Variants in NRXN2 observed in about 807,000 individuals in gnomAD.
NRXN2 encodes the protein neurexin 2, also known as neurexin-2-beta.
Under a neutral mutation model 128.8 loss-of-function variants are expected in NRXN2, and 29 were observed. That is an observed-to-expected ratio of 0.23 (90% CI 0.17 to 0.31). The LOEUF (loss-of-function observed/expected upper bound fraction) is 0.31, where lower values mean the gene tolerates loss of function less well. Ranked by LOEUF, NRXN2 falls within the 10% of genes least tolerant of loss-of-function variation. The pLI is 1.00. For synonymous variants in NRXN2, 1,098 were observed against 1,075.2 expected (o/e 1.02, Z -0.41); for missense variants, 1,881 against 2,452.6 (o/e 0.77, Z 4.92).
chr11:64,643,119 G>A (rs1269166068), intron 17 of NRXN2: 3 of 984,874 alleles, frequency 3.0e-6, no homozygotes, highest in East Asian at 2.3e-4. Flanking sequence ...AGCGCCCGGG[G>A]GAGGGGGCAT....
intron 11 of NRXN2, among the ~76,000 whole-genome samples, chr11:64,656,965 T>C (rs575362142): frequency 1.3e-5 from 2 of 152,294 alleles, no homozygotes; most frequent in East Asian, 3.9e-4. Context: ...CACTAAGCGA[T>C]CCCACCTAGT....
chr11:64,615,577 C>G (rs1332444185), intron 22 of NRXN2, among the ~76,000 whole-genome samples: 1 of 152,172 alleles, frequency 6.6e-6, no homozygotes, highest in Admixed American at 6.5e-5. Context: ...TTCTGTGGGT[C>G]TGAGCATACA....
At chr11:64,690,052 A>G (rs577394600) in intron 5 of NRXN2, among the ~76,000 whole-genome samples, 6 of 152,356 alleles carry the variant, frequency 3.9e-5, no homozygotes, top group African/African-American at 1.4e-4. Flanking sequence ...GCAGGCTTCC[A>G]GAATTTGATG....
chr11:64,660,908 T>C lies in NRXN2; in HGVS notation c.2030A>G (p.Gln677Arg). ...AAAGGGGGCAACGCCCACAGCCCCC[T>C]GAGCCTCAGCCAGGCCCCGGAGGTC... Reference protein sequence around the residue: ...SRDLRGLAEAQGAVGVAPFCS... With the variant: ...SRDLRGLAEARGAVGVAPFCS... The change falls in exon 10 of 23, where the codon CAG becomes CGG. Residue 677 changes from glutamine (Q) to arginine (R), a missense_variant. Around this residue, in one of 7 missense-constraint regions of NRXN2, gnomAD observed 997 missense variants for 1,240.8 expected, o/e 0.80. Coordinates refer to ENST00000265459, the MANE Select transcript of NRXN2 (RefSeq NM_015080.4). This position sits in a 1 kb window ranked among gnomAD's most constrained non-coding sequence, Gnocchi z 5.2. 1.2e-6 allele frequency: 2 copies of C among 1,613,588 alleles called. No individual in the cohort carries two copies. Among genetic ancestry groups the C allele is most frequent in the Non-Finnish European group, 1.7e-6 (2 of 1,179,716 alleles).
At position 64,651,760 on chromosome 11, in the gene NRXN2, G is replaced by A. The variant is rs189772844; in HGVS notation, c.2537-124C>T. ...AGTGACATCTTTAGAGATGTCCTCG[G>A]CTAGGCACTAGCAGCCAGCACAGCT... On this transcript the variant is annotated intron_variant, in intron 13 of 22. Coordinates refer to ENST00000265459, the MANE Select transcript of NRXN2 (RefSeq NM_015080.4). The surrounding 1 kb of genome is among the most constrained non-coding windows in gnomAD (Gnocchi z 5.9). 4.1e-3 allele frequency: 4,685 copies of A among 1,136,388 alleles called. 16 individuals are homozygous for A. Among genetic ancestry groups the A allele is most frequent in the Non-Finnish European group, 5.2e-3 (4,114 of 787,702 alleles). 70.4% of individuals were successfully genotyped at this position (1,136,388 alleles called of 1,614,324 possible).
intron 11 of NRXN2, among the ~76,000 whole-genome samples, chr11:64,658,689 C>T (rs982011855): frequency 1.3e-5 from 2 of 152,244 alleles, no homozygotes; most frequent in Non-Finnish European, 2.9e-5. Flanking sequence ...CCACAAATGC[C>T]CCGGAGACCA....
intron 22 of NRXN2, among the ~76,000 whole-genome samples, chr11:64,608,702 C>T (rs2040124058): frequency 6.6e-6 from 1 of 152,190 alleles, no homozygotes; most frequent in Admixed American, 6.5e-5. Context: ...CGGTATCTCC[C>T]TCCCTCACTC....
intron 3 of NRXN2, among the ~76,000 whole-genome samples, chr11:64,697,031 A>G (rs554719445): frequency 6.6e-6 from 1 of 152,290 alleles, no homozygotes; most frequent in African/African-American, 2.4e-5. Context: ...AAAAGGAGGT[A>G]AAGACAGAAA....
Position 64,623,797 on chromosome 11 carries a change from A to C in NRXN2, c.3848-719T>G, listed in dbSNP as rs1483293052. The C allele has an allele frequency of 6.6e-6, 1 of 152,576 alleles. No individual in the cohort carries two copies. The highest frequency in any genetic ancestry group is 2.4e-5 in the African/African-American group (1 of 41,426). The allele number at this position is 152,576 out of a possible 1,614,324, so 9.5% of individuals were successfully genotyped here. A position where few individuals can be genotyped will look rare whatever the true frequency, so the allele number is the denominator to read the frequency against. ...TCCCCACCTGGACATGCAAGCACAG[A>C]AGTGGAAAATGTTAAAGGGACCTTG... is the stretch of plus-strand genomic sequence containing the variant. On this transcript the variant is annotated intron_variant, in intron 20 of 22. Coordinates refer to ENST00000265459, the MANE Select transcript of NRXN2 (RefSeq NM_015080.4). The surrounding 1 kb of genome is among the most constrained non-coding windows in gnomAD (Gnocchi z 4.9).
chr11:64,706,303 C>G (rs1425027037), intron 2 of NRXN2, among the ~76,000 whole-genome samples: 1 of 145,364 alleles, frequency 6.9e-6, no homozygotes, highest in Non-Finnish European at 1.5e-5. Context: ...GGTATATCTC[C>G]TAATGCTATC....
At chr11:64,621,491 G>C (rs2042344248) in intron 21 of NRXN2, among the ~76,000 whole-genome samples, 1 of 152,170 alleles carries the variant, frequency 6.6e-6, no homozygotes, top group Non-Finnish European at 1.5e-5. Context: ...AGAGGAAGTG[G>C]GTACAGGCTT....
At chr11:64,618,111 A>G (rs1371736631) in intron 22 of NRXN2, among the ~76,000 whole-genome samples, 1 of 152,182 alleles carries the variant, frequency 6.6e-6, no homozygotes, top group Non-Finnish European at 1.5e-5. Context: ...ACTGGGAACC[A>G]GCTGACCCGC....
Position 64,685,638 on chromosome 11 carries a change from C to A in NRXN2, c.1152+8G>T. On this transcript the variant is annotated splice_region_variant and intron_variant, in intron 6 of 22. Transcript: ENST00000265459. ...GCTAATCCCTGGCCTTCTTCTCACT[C>A]CTCCTACCTGGCGCAGGTTTCGGGT... The A allele has an allele frequency of 6.2e-7, 1 of 1,614,226 alleles. No individual in the cohort carries two copies. The highest frequency in any genetic ancestry group is 8.5e-7 in the Non-Finnish European group (1 of 1,180,052).
chr11:64,641,024 G>C (rs1379986442), intron 17 of NRXN2, among the ~76,000 whole-genome samples: 1 of 152,136 alleles, frequency 6.6e-6, no homozygotes, highest in African/African-American at 2.4e-5. Context: ...ACAAGGATAG[G>C]AAGGGAGAGA....
rs1472346791 is a variant in NRXN2 at position 64,607,584 on chromosome 11, GC to G, written c.4750del (p.Ala1584ProfsTer17). On this transcript the variant is annotated frameshift_variant, in exon 23 of 23. Transcript: ENST00000265459. LOFTEE classifies it high-confidence loss of function. Reference protein sequence around the residue: ...LLENPPLGPGAPTSFEPRRPP... With the variant: ...LLENPPLGPGXPTSFEPRRPP... ...CCTCCGCGGCTCAAAGGACGTGGGG[GC>G]CCCGGGCCCCAAGGGCGGGTTCTCC... is the stretch of plus-strand genomic sequence containing the variant. 1.3e-6 allele frequency: 2 copies of G among 1,532,916 alleles called. No homozygotes were observed. The highest frequency in any genetic ancestry group is 8.7e-7 in the Non-Finnish European group (1 of 1,143,540). The allele number at this position is 1,532,916 out of a possible 1,614,324, so 95.0% of individuals were successfully genotyped here. A position where few individuals can be genotyped will look rare whatever the true frequency, so the allele number is the denominator to read the frequency against.
intron 9 of NRXN2, among the ~76,000 whole-genome samples, chr11:64,664,124 C>T (rs1304055992): frequency 1.3e-5 from 2 of 152,112 alleles, no homozygotes; most frequent in Non-Finnish European, 2.9e-5. Flanking sequence ...CAATAGTTAC[C>T]AGTGATATTT....
intron 22 of NRXN2, among the ~76,000 whole-genome samples, chr11:64,616,108 G>A (rs1188271704): frequency 6.6e-6 from 1 of 152,090 alleles, no homozygotes; most frequent in African/African-American, 2.4e-5. Context: ...AATTGTGTGT[G>A]TATGAGGCCC....
At position 64,630,202 on chromosome 11, in the gene NRXN2, C is replaced by A. The variant is rs2043678925; in HGVS notation, c.3757+200G>T. Among the ~76,000 whole-genome samples the A allele has an allele frequency of 1.3e-5, 2 of 152,150 alleles. No homozygotes were observed. The highest frequency in any genetic ancestry group is 6.5e-5 in the Admixed American group (1 of 15,284). ...TTCGCACCACCACGGTCTCGCCCCGCCGCCACAAATCCCGACTTTTCCTAG... is the reference window on the plus strand; with the variant it reads ...TTCGCACCACCACGGTCTCGCCCCGACGCCACAAATCCCGACTTTTCCTAG... On this transcript the variant is annotated intron_variant, in intron 19 of 22. Coordinates refer to ENST00000265459, the MANE Select transcript of NRXN2 (RefSeq NM_015080.4). This position sits in a 1 kb window ranked among gnomAD's most constrained non-coding sequence, Gnocchi z 4.6.
At position 64,623,361 on chromosome 11, in the gene NRXN2, T is replaced by C. The variant is rs922813348; in HGVS notation, c.3848-283A>G. The stretch of plus-strand genomic sequence containing the variant: ...AGCCCAGTCCCTCCTCCCCACCATG[T>C]GCAAGCCTTCCCACCTTCCCCATTC... On this transcript the variant is annotated intron_variant, in intron 20 of 22. Transcript: ENST00000265459. The surrounding 1 kb of genome is among the most constrained non-coding windows in gnomAD (Gnocchi z 4.9). The C allele has an allele frequency of 7.6e-6, 4 of 527,194 alleles. No homozygotes were observed. The highest frequency in any genetic ancestry group is 5.7e-5 in the African/African-American group (3 of 52,410). 32.7% of individuals were successfully genotyped at this position (527,194 alleles called of 1,614,324 possible).
Sources: gnomAD v4.1 joint callset for allele counts (sites outside exome capture counted in the v4.1 genomes callset) on GRCh38, gnomAD v4.1.1 for gene constraint, gnomAD v4.1.1 regional missense constraint, Gnocchi (gnomAD v3.1) non-coding constraint, MANE v1.5 for transcripts, NCBI Gene and HGNC (gene_info 2026-07-23, HGNC 2026-07-21) for gene names.